RAB3C: variants seen among roughly 807,000 people sequenced by gnomAD.
The protein encoded by RAB3C is ras-related protein Rab-3C.
A neutral mutation model predicts 26.4 loss-of-function variants in RAB3C; 17 were observed. That is an observed-to-expected ratio of 0.64 (90% CI 0.44 to 0.97). The LOEUF (loss-of-function observed/expected upper bound fraction) is 0.97. Among genes scored for constraint, RAB3C ranks in the 50% least tolerant of loss-of-function variants. The probability of loss-of-function intolerance (pLI) is 0.00; values close to 1 mark genes in which losing one functional copy is unlikely to be tolerated. For missense variants in RAB3C, 242 were observed against 281.9 expected, an observed-to-expected ratio of 0.86 and a Z score of 1.01; for synonymous variants, 91 against 95.9, an observed-to-expected ratio of 0.95 and a Z score of 0.30.
At chr5:58,655,717 C>G (rs1171623720) in intron 2 of RAB3C, among the ~76,000 whole-genome samples, 1 of 147,992 alleles carries the variant, frequency 6.8e-6, no homozygotes, top group Non-Finnish European at 1.5e-5. Context: ...TTTGCCATAT[C>G]AATACTATAT....
chr5:58,630,294 G>A (rs1036944447), intron 2 of RAB3C, among the ~76,000 whole-genome samples: 1 of 152,116 alleles, frequency 6.6e-6, no homozygotes, highest in Non-Finnish European at 1.5e-5. Context: ...CTCTTTTGGT[G>A]TTCTCATATT....
chr5:58,674,275 T>C (rs1748179657), intron 2 of RAB3C, among the ~76,000 whole-genome samples: 1 of 152,240 alleles, frequency 6.6e-6, no homozygotes, highest in Non-Finnish European at 1.5e-5. Flanking sequence ...GATTTAGACT[T>C]CGAGGCATCA....
chr5:58,656,337 T>C (rs1035916676), intron 2 of RAB3C, among the ~76,000 whole-genome samples: 3 of 152,166 alleles, frequency 2.0e-5, no homozygotes, highest in African/African-American at 7.2e-5. Flanking sequence ...TACTTTGTAT[T>C]TGACAGTTGC....
chr5:58,741,595 A>G (rs1337319311), intron 3 of RAB3C: 1 of 152,160 alleles, frequency 6.6e-6, no homozygotes, highest in Non-Finnish European at 1.5e-5. Flanking sequence ...TTATCACACA[A>G]TGTTTATTAC....
intron 4 of RAB3C, 84 bp from the exon 5 acceptor site, chr5:58,851,080 A>G: frequency 3.0e-6 from 4 of 1,329,656 alleles, no homozygotes; most frequent in South Asian, 1.4e-5. Flanking sequence ...CCATCACCTC[A>G]TCACTATTGA....
chr5:58,773,306 A>G (rs1038429684), intron 3 of RAB3C, among the ~76,000 whole-genome samples: 4 of 152,152 alleles, frequency 2.6e-5, no homozygotes, highest in Non-Finnish European at 2.9e-5. Flanking sequence ...AAAGAGGTGC[A>G]AGGAAGAACC....
At chr5:58,817,542 A>G (rs1308384709) in intron 3 of RAB3C, among the ~76,000 whole-genome samples, 2 of 152,026 alleles carry the variant, frequency 1.3e-5, no homozygotes, top group African/African-American at 4.8e-5. Flanking sequence ...AAATTTTTTT[A>G]TTTTGTATAT....
intron 3 of RAB3C, among the ~76,000 whole-genome samples, chr5:58,766,365 C>G (rs1340251277): frequency 6.6e-6 from 1 of 152,128 alleles, no homozygotes; most frequent in Non-Finnish European, 1.5e-5. Context: ...ATCCACCCAC[C>G]TCGGCCCCCC....
chr5:58,717,604 C>T (rs1204225486), intron 2 of RAB3C, among the ~76,000 whole-genome samples: 1 of 152,058 alleles, frequency 6.6e-6, no homozygotes, highest in Non-Finnish European at 1.5e-5. Context: ...TCTTCAGCTC[C>T]CTTCTGCCCC....
chr5:58,657,046 G>A (rs158952), intron 2 of RAB3C, among the ~76,000 whole-genome samples: 106,628 of 152,100 alleles, frequency 0.7, 37,724 homozygotes, highest in Middle Eastern at 0.79. Flanking sequence ...ATGGAATACT[G>A]CTCAGCCATA....
At chr5:58,595,977 A>C (rs1458202030) in intron 1 of RAB3C, among the ~76,000 whole-genome samples, 1 of 152,118 alleles carries the variant, frequency 6.6e-6, no homozygotes, top group Non-Finnish European at 1.5e-5. Flanking sequence ...CTAATGTTTT[A>C]AACTTACTTT....
In RAB3C at chr5:58,627,515, A is replaced by AAAAAAAAAAAAAC. The variant is rs1325212744; in HGVS notation, c.252+9649_252+9650insAAAAAAAACAAAA. Among the ~76,000 whole-genome samples, 36 of 60,572 alleles carry AAAAAAAAAAAAAC rather than the reference A, an allele frequency of 5.9e-4. 9 individuals are homozygous for AAAAAAAAAAAAAC. Among genetic ancestry groups the AAAAAAAAAAAAAC allele is most frequent in the Non-Finnish European group, 9.2e-4 (28 of 30,326 alleles). 39.7% of individuals were successfully genotyped at this position (60,572 alleles called of 152,430 possible). A position where few individuals can be genotyped will look rare whatever the true frequency, so the allele number is the denominator to read the frequency against. On this transcript the variant is annotated intron_variant, in intron 2 of 4. Coordinates refer to ENST00000282878, the MANE Select transcript of RAB3C (RefSeq NM_138453.4). ...AAAAAAAAAAAAAAAAAAAAAAAAA[A>AAAAAAAAAAAAAC]AAAACACAGCTTAAATTCGGTGCAA...
At position 58,851,254 on chromosome 5, in the gene RAB3C, C is replaced by CAAA. The variant is rs771518660; in HGVS notation, c.588_589insAAA (p.Ser196_Glu197insLys). On this transcript the variant is annotated inframe_insertion, in exon 5 of 5. Transcript: ENST00000282878. ...GTGGATATCATCTGCGACAAAATGTCAGAGAGTTTGGAGACTGATCCTGCC... is the reference window on the plus strand; with the variant it reads ...GTGGATATCATCTGCGACAAAATGTCAAAAGAGAGTTTGGAGACTGATCCTGCC... 16 of 1,613,818 alleles carry CAAA rather than the reference C, an allele frequency of 9.9e-6. No homozygotes were observed. The highest frequency in any genetic ancestry group is 1.3e-5 in the Non-Finnish European group (15 of 1,179,916).
At chr5:58,605,146 G>A (rs1746532934) in intron 1 of RAB3C, among the ~76,000 whole-genome samples, 1 of 152,070 alleles carries the variant, frequency 6.6e-6, no homozygotes. Flanking sequence ...CTACAGTTGG[G>A]GCACTCACAG....
At chr5:58,759,466 G>A (rs1218439284) in intron 3 of RAB3C, among the ~76,000 whole-genome samples, 1 of 152,188 alleles carries the variant, frequency 6.6e-6, no homozygotes, top group Non-Finnish European at 1.5e-5. Flanking sequence ...TTTACACTCA[G>A]TGAATATTTT....
At chr5:58,591,597 T>A (rs1001211865) in intron 1 of RAB3C, among the ~76,000 whole-genome samples, 1 of 148,146 alleles carries the variant, frequency 6.8e-6, no homozygotes, top group African/African-American at 2.4e-5. Context: ...TATATATATA[T>A]ATATATATAT....
At chr5:58,676,568 G>A (rs1561286266) in intron 2 of RAB3C, among the ~76,000 whole-genome samples, 1 of 152,046 alleles carries the variant, frequency 6.6e-6, no homozygotes, top group Non-Finnish European at 1.5e-5. Flanking sequence ...GACTGGACTG[G>A]CAAGGGTTGA....
At chr5:58,698,996 G>A (rs1478603049) in intron 2 of RAB3C, among the ~76,000 whole-genome samples, 1 of 152,166 alleles carries the variant, frequency 6.6e-6, no homozygotes. Flanking sequence ...TCCTTTGGAG[G>A]AGAAGAGGCG....
intron 3 of RAB3C, among the ~76,000 whole-genome samples, chr5:58,806,696 CA>C (rs1742946873): frequency 6.6e-6 from 1 of 152,066 alleles, no homozygotes; most frequent in Admixed American, 6.6e-5. Flanking sequence ...TCATCACAAC[CA>C]AAAATGTTTC....
Sources: gnomAD v4.1 joint callset for allele counts (sites outside exome capture counted in the v4.1 genomes callset) on GRCh38, gnomAD v4.1.1 for gene constraint, MANE v1.5 for transcripts, NCBI Gene and HGNC (gene_info 2026-07-23, HGNC 2026-07-21) for gene names.